Variants in CCDC171 observed in about 807,000 individuals in gnomAD.
The protein encoded by CCDC171 is coiled-coil domain-containing protein 171.
A neutral mutation model predicts 168.2 loss-of-function variants in CCDC171; 177 were observed. That is an observed-to-expected ratio of 1.05 (90% confidence interval 0.93 to 1.19). The LOEUF (loss-of-function observed/expected upper bound fraction) is 1.19. Ranked by LOEUF, CCDC171 falls within the 50% of genes most tolerant of loss-of-function variation. The pLI, the probability that CCDC171 is intolerant of heterozygous loss-of-function variation, is 0.00. For synonymous variants in CCDC171, 687 were observed against 540.8 expected (o/e 1.27, Z -3.75); for missense variants, 1,991 against 1,539.0 (o/e 1.29, Z -4.91).
At chr9:15,711,578 A>G (rs1028294965) in intron 11 of CCDC171, among the ~76,000 whole-genome samples, 1 of 152,198 alleles carries the variant, frequency 6.6e-6, no homozygotes, top group African/African-American at 2.4e-5. Context: ...TGTGCATTAT[A>G]AGATAAGAAC....
chr9:15,678,076 A>G (rs1158728013), intron 9 of CCDC171, among the ~76,000 whole-genome samples: 1 of 149,984 alleles, frequency 6.7e-6, no homozygotes, highest in Non-Finnish European at 1.5e-5. Flanking sequence ...TGCTCGGCTG[A>G]TATTTAAATT....
intron 1 of CCDC171, among the ~76,000 whole-genome samples, chr9:15,554,410 G>T (rs2038614096): frequency 6.6e-6 from 1 of 152,148 alleles, no homozygotes; most frequent in Non-Finnish European, 1.5e-5. Flanking sequence ...AAATGCAGAG[G>T]AAACAAAGGC....
Position 15,902,053 on chromosome 9 carries a change from G to A in CCDC171, c.3601-18217G>A, listed in dbSNP as rs145674118. ...CTGTAGAACTTTTCTTTGATGGCAA[G>A]TGGCTAACAGAAACATTCTAGCTAG... is the stretch of plus-strand genomic sequence containing the variant. On this transcript the variant is annotated intron_variant, in intron 24 of 25. Coordinates refer to ENST00000380701, the MANE Select transcript of CCDC171 (RefSeq NM_173550.4). 2.6e-5 allele frequency among the ~76,000 whole-genome samples: 4 copies of A among 152,168 alleles called. No individual in the cohort carries two copies. The East Asian group carries it at 7.7e-4, about 29-fold the overall frequency.
At chr9:16,074,502 G>A in the CCDC171 span, among the ~76,000 whole-genome samples, 1 of 152,202 alleles carries the variant, frequency 6.6e-6, no homozygotes, top group East Asian at 1.9e-4. Flanking sequence ...GAAGTACATT[G>A]GTGACCACCA....
chr9:15,724,746 T>C, intron 13 of CCDC171, 30 bp from the exon 14 acceptor site: 1 of 1,553,678 alleles, frequency 6.4e-7, no homozygotes, highest in Non-Finnish European at 8.9e-7. Context: ...CTGGCCTTTC[T>C]ACAATCTCTT....
intron 16 of CCDC171, among the ~76,000 whole-genome samples, chr9:15,732,952 G>T (rs931928593): frequency 6.6e-6 from 1 of 152,132 alleles, no homozygotes; most frequent in African/African-American, 2.4e-5. Context: ...GATTTGGTCT[G>T]CACCTGTGCC....
intron 7 of CCDC171, among the ~76,000 whole-genome samples, chr9:15,635,626 G>A (rs949471495): frequency 2.6e-5 from 4 of 152,046 alleles, no homozygotes; most frequent in Admixed American, 2.6e-4. Flanking sequence ...AATTTCCTTT[G>A]GTAACACCCT....
At chr9:15,800,079 G>A (rs1353583788) in intron 21 of CCDC171, among the ~76,000 whole-genome samples, 1 of 152,140 alleles carries the variant, frequency 6.6e-6, no homozygotes, top group African/African-American at 2.4e-5. Context: ...ACAAATGTGG[G>A]AGTGCAGATA....
chr9:15,911,760 G>A (rs1009243608), intron 24 of CCDC171, among the ~76,000 whole-genome samples: 1 of 152,178 alleles, frequency 6.6e-6, no homozygotes, highest in Middle Eastern at 3.4e-3. Context: ...TCAGTTTTCT[G>A]CATATGGCTA....
intron 20 of CCDC171, 37 bp downstream of exon 20, chr9:15,779,187 G>GAT (rs2057519528): frequency 1.6e-6 from 2 of 1,241,396 alleles, no homozygotes; most frequent in Non-Finnish European, 2.1e-6. Flanking sequence ...TTGCTTTGCT[G>GAT]ATATATATTT....
chr9:16,018,064 T>C (rs1346657413), intron 3 of CCDC171, among the ~76,000 whole-genome samples: 1 of 152,146 alleles, frequency 6.6e-6, no homozygotes, highest in Non-Finnish European at 1.5e-5. Context: ...GTCCAATAAA[T>C]GTAGTTTTAA....
rs191547862 is a variant in CCDC171, at chr9:15,823,170, C to T, written c.3268-23532C>T. 3.4e-3 allele frequency among the ~76,000 whole-genome samples: 518 copies of T among 152,056 alleles called. 14 individuals carry two copies. Among genetic ancestry groups the T allele is most frequent in the East Asian group, 5.8e-4 (3 of 5,160 alleles). On this transcript the variant is annotated intron_variant, in intron 21 of 25. Coordinates refer to ENST00000380701, the MANE Select transcript of CCDC171 (RefSeq NM_173550.4). Reference sequence around the variant, plus strand: ...TAGACACAGGAAGGGGAAAATCACACACCGGGTTTGTTGTGGGGTGGGAGG... The same window carrying T: ...TAGACACAGGAAGGGGAAAATCACATACCGGGTTTGTTGTGGGGTGGGAGG...
intron 7 of CCDC171, among the ~76,000 whole-genome samples, chr9:15,654,198 C>A (rs371509434): frequency 6.6e-6 from 1 of 150,648 alleles, no homozygotes; most frequent in East Asian, 1.9e-4. Context: ...TTATTGCTTT[C>A]TGTAAAAAAA....
intron 18 of CCDC171, among the ~76,000 whole-genome samples, chr9:15,754,916 AT>A (rs1472190835): frequency 1.3e-5 from 2 of 152,186 alleles, no homozygotes; most frequent in African/African-American, 4.8e-5. Flanking sequence ...ATAAGGTCAA[AT>A]GAAAATACAT....
intron 3 of CCDC171, among the ~76,000 whole-genome samples, chr9:15,578,297 T>C (rs1293654426): frequency 1.3e-5 from 2 of 150,868 alleles, no homozygotes; most frequent in African/African-American, 4.9e-5. Flanking sequence ...TGCAGTGGCA[T>C]GGTCTCTGCT....
chr9:15,846,750 C>T lies in CCDC171; in HGVS notation c.3316C>T (p.Arg1106Cys), dbSNP rs548583619. Reference sequence around the variant, plus strand: ...GCTGAGAAGAAAAGATCAATCTCTGCGTCAGCTCAATAGACATCTTACCCA... The same window carrying T: ...GCTGAGAAGAAAAGATCAATCTCTGTGTCAGCTCAATAGACATCTTACCCA... The part of the protein sequence containing the change: ...MELRRKDQSL[R>C]QLNRHLTQLE... The change falls in exon 22 of 26, where the codon CGT becomes TGT. Residue 1106 changes from arginine to cysteine, a missense_variant. Transcript: ENST00000380701. 17 of 1,612,836 alleles carry T rather than the reference C, an allele frequency of 1.1e-5. No individual in the cohort carries two copies. In the South Asian group the frequency reaches 1.1e-4, roughly 10 times the overall value.
chr9:15,566,525 C>CT (rs2039742236), intron 2 of CCDC171, among the ~76,000 whole-genome samples: 1 of 152,232 alleles, frequency 6.6e-6, no homozygotes, highest in South Asian at 2.1e-4. Context: ...TGCCACTGTA[C>CT]TTGAGCCAGG....
At chr9:15,590,986 A>T (rs1044417906) in intron 4 of CCDC171, among the ~76,000 whole-genome samples, 2 of 151,922 alleles carry the variant, frequency 1.3e-5, no homozygotes, top group Non-Finnish European at 2.9e-5. Context: ...AGTAGCTGGG[A>T]TTACAGGTGT....
chr9:15,660,722 T>A (rs1484262057), intron 8 of CCDC171, among the ~76,000 whole-genome samples: 1 of 152,210 alleles, frequency 6.6e-6, no homozygotes, highest in African/African-American at 2.4e-5. Flanking sequence ...CAATCCATCA[T>A]TGATTGATGA....
Sources: gnomAD v4.1 joint callset for allele counts (sites outside exome capture counted in the v4.1 genomes callset) on GRCh38, gnomAD v4.1.1 for gene constraint, MANE v1.5 for transcripts, NCBI Gene and HGNC (gene_info 2026-07-23, HGNC 2026-07-21) for gene names.